IMMP2L: variants seen among roughly 807,000 people sequenced by gnomAD.
The protein encoded by IMMP2L is mitochondrial inner membrane protease subunit 2.
In IMMP2L, 18 loss-of-function variants were observed where a neutral mutation model predicts 19.3. The ratio of observed to expected loss-of-function variants is 0.93; its 90% CI spans 0.64 to 1.38. The LOEUF (loss-of-function observed/expected upper bound fraction) is 1.38, where lower values mean the gene tolerates loss of function less well. Among genes scored for constraint, IMMP2L ranks in the 40% most tolerant of loss-of-function variants. IMMP2L has a pLI of 0.00. For missense variants in IMMP2L, 233 were observed against 218.2 expected (o/e 1.07, Z -0.43); for synonymous variants, 76 against 73.0 (o/e 1.04, Z -0.21).
intron 2 of IMMP2L, among the ~76,000 whole-genome samples, chr7:111,503,119 TA>T (rs1174353678): frequency 1.3e-5 from 2 of 151,640 alleles, no homozygotes; most frequent in Non-Finnish European, 2.9e-5. Context: ...ATAGACACAA[TA>T]AAAAATGATA....
intron 1 of IMMP2L, among the ~76,000 whole-genome samples, chr7:111,521,726 A>T (rs1202732971): frequency 6.6e-6 from 1 of 152,132 alleles, no homozygotes; most frequent in African/African-American, 2.4e-5. Context: ...GAAAAAAACA[A>T]GCATTCCAGA....
At chr7:111,494,623 CAG>C (rs901489227) in intron 2 of IMMP2L, among the ~76,000 whole-genome samples, 2 of 152,100 alleles carry the variant, frequency 1.3e-5, no homozygotes, top group African/African-American at 2.4e-5. Context: ...TTACTTTAAA[CAG>C]ATTATTTAAC....
Position 111,242,812 on chromosome 7 carries a change from G to C in IMMP2L, c.239+244426C>G, listed in dbSNP as rs957351356. 2.0e-5 allele frequency among the ~76,000 whole-genome samples: 3 copies of C among 151,902 alleles called. No homozygotes were observed. In the South Asian group the frequency reaches 6.2e-4, roughly 32 times the overall value. On this transcript the variant is annotated intron_variant, in intron 3 of 5. Transcript: ENST00000405709. ...TAAAAACACAAACAACAGAGAATTTGTCTATAAATTTATAAATATTCCTCA... is the reference window on the plus strand; with the variant it reads ...TAAAAACACAAACAACAGAGAATTTCTCTATAAATTTATAAATATTCCTCA...
chr7:110,941,105 C>G (rs1447145411), intron 4 of IMMP2L, among the ~76,000 whole-genome samples: 2 of 152,074 alleles, frequency 1.3e-5, no homozygotes, highest in Non-Finnish European at 2.9e-5. Context: ...TAACAATACC[C>G]CTTTAGGTTA....
rs1423672094 is a variant in IMMP2L, at chr7:110,882,292, C to CCTTCCTTA, written c.408+4300_408+4301insTAAGGAAG. 4.6e-3 allele frequency among the ~76,000 whole-genome samples: 265 copies of CCTTCCTTA among 57,756 alleles called. 4 individuals carry two copies. The highest frequency in any genetic ancestry group is 0.015 in the African/African-American group (256 of 17,098). 37.9% of individuals were successfully genotyped at this position (57,756 alleles called of 152,430 possible). ...AATTCCTCTCTTTGTCAAGTGCCTT[C>CCTTCCTTA]CTTCCTTCCTTCCTTCCTTCCTTCC... On this transcript the variant is annotated intron_variant, in intron 5 of 5. Transcript: ENST00000405709.
At chr7:111,023,384 C>A (rs1171556415) in intron 3 of IMMP2L, among the ~76,000 whole-genome samples, 5 of 152,034 alleles carry the variant, frequency 3.3e-5, no homozygotes, top group Non-Finnish European at 7.4e-5. Context: ...GCTCAAAATG[C>A]TCCTTTCAAA....
At chr7:110,918,709 C>T (rs1585263813) in intron 4 of IMMP2L, among the ~76,000 whole-genome samples, 3 of 151,946 alleles carry the variant, frequency 2.0e-5, no homozygotes, top group South Asian at 4.2e-4. Context: ...CCACCTCGCC[C>T]TCTCAAAGTG....
chr7:111,447,474 G>A (rs1296233872), intron 3 of IMMP2L, among the ~76,000 whole-genome samples: 1 of 148,564 alleles, frequency 6.7e-6, no homozygotes, highest in Non-Finnish European at 1.5e-5. Flanking sequence ...ATAAGTGAAG[G>A]AGAAATAAAA....
At chr7:111,355,963 A>G (rs37657) in intron 3 of IMMP2L, among the ~76,000 whole-genome samples, 9,652 of 152,124 alleles carry the variant, frequency 0.063, 396 homozygotes, top group African/African-American at 0.11. Context: ...GTATATGATT[A>G]TCTGAAAAAC....
At chr7:111,437,922 C>T (rs1042931262) in intron 3 of IMMP2L, among the ~76,000 whole-genome samples, 6 of 151,948 alleles carry the variant, frequency 3.9e-5, no homozygotes, top group Non-Finnish European at 7.4e-5. Context: ...TGTAATAAAA[C>T]GCCAGAGATC....
At chr7:110,839,116 G>A (rs1804797152) in intron 5 of IMMP2L, among the ~76,000 whole-genome samples, 1 of 151,990 alleles carries the variant, frequency 6.6e-6, no homozygotes, top group Admixed American at 6.6e-5. Flanking sequence ...CTTAATATAT[G>A]AAAATACAGA....
At chr7:111,230,588 T>C (rs1813603896) in intron 3 of IMMP2L, among the ~76,000 whole-genome samples, 1 of 152,068 alleles carries the variant, frequency 6.6e-6, no homozygotes, top group South Asian at 2.1e-4. Context: ...TAGAAAACTT[T>C]AGGCTTAGGT....
chr7:110,864,939 C>T (rs760078201), intron 5 of IMMP2L, among the ~76,000 whole-genome samples: 1 of 151,844 alleles, frequency 6.6e-6, no homozygotes, highest in Non-Finnish European at 1.5e-5. Flanking sequence ...TACATCCTTC[C>T]TTTTTTAAGT....
At chr7:111,451,874 T>C (rs925333939) in intron 3 of IMMP2L, among the ~76,000 whole-genome samples, 4 of 152,044 alleles carry the variant, frequency 2.6e-5, no homozygotes, top group African/African-American at 9.7e-5. Flanking sequence ...AAGAAATCAA[T>C]ATATACTTTT....
chr7:111,044,636 T>C (rs1792213907), intron 3 of IMMP2L, among the ~76,000 whole-genome samples: 3 of 152,222 alleles, frequency 2.0e-5, no homozygotes, highest in African/African-American at 7.2e-5. Flanking sequence ...AGATAAGCCA[T>C]TTGTCAATCT....
intron 3 of IMMP2L, among the ~76,000 whole-genome samples, chr7:111,443,617 C>G (rs555617757): frequency 6.6e-6 from 1 of 152,258 alleles, no homozygotes; most frequent in South Asian, 2.1e-4. Flanking sequence ...ACAGAACTCT[C>G]CTCAAAATAT....
At chr7:111,203,220 T>C (rs1397522139) in intron 3 of IMMP2L, among the ~76,000 whole-genome samples, 2 of 152,164 alleles carry the variant, frequency 1.3e-5, no homozygotes, top group African/African-American at 2.4e-5. Flanking sequence ...TTTTTTCTTT[T>C]ACCATATTCA....
chr7:111,449,914 C>T (rs1375297210), intron 3 of IMMP2L, among the ~76,000 whole-genome samples: 3 of 135,182 alleles, frequency 2.2e-5, no homozygotes, highest in Non-Finnish European at 4.6e-5. Context: ...TATACACCAA[C>T]AACAGACAAA....
intron 3 of IMMP2L, among the ~76,000 whole-genome samples, chr7:111,176,013 T>C (rs1163784848): frequency 1.3e-5 from 2 of 151,910 alleles, no homozygotes; most frequent in East Asian, 3.9e-4. Flanking sequence ...TACAGGTAGA[T>C]GAAAAGGTGC....
Sources: gnomAD v4.1 joint callset for allele counts (sites outside exome capture counted in the v4.1 genomes callset) on GRCh38, gnomAD v4.1.1 for gene constraint, MANE v1.5 for transcripts, NCBI Gene and HGNC (gene_info 2026-07-23, HGNC 2026-07-21) for gene names.